Variants in SLC2A13 observed in about 807,000 individuals in gnomAD.
SLC2A13 encodes the protein solute carrier family 2 member 13.
Under a neutral mutation model 64.4 loss-of-function variants are expected in SLC2A13, and 32 were observed. The observed-to-expected ratio is 0.50, with a 90% CI of 0.37 to 0.67. SLC2A13 has a LOEUF of 0.67. SLC2A13 is among the 30% of genes least tolerant of loss of function. SLC2A13 has a pLI of 0.00. For synonymous variants in SLC2A13, 338 were observed against 327.1 expected (o/e 1.03, Z -0.36); for missense variants, 743 against 829.2 (o/e 0.90, Z 1.28).
chr12:40,072,423 A>G (rs1171003398), intron 1 of SLC2A13, among the ~76,000 whole-genome samples: 1 of 152,106 alleles, frequency 6.6e-6, no homozygotes, highest in Admixed American at 6.6e-5. Context: ...GGTGTTGTTG[A>G]GTTCAACAAT....
At chr12:39,922,823 G>A (rs976106149) in intron 4 of SLC2A13, among the ~76,000 whole-genome samples, 2 of 144,028 alleles carry the variant, frequency 1.4e-5, no homozygotes, top group African/African-American at 2.6e-5. Flanking sequence ...TGCAAAACTT[G>A]CAAAAGCTTG....
intron 4 of SLC2A13, among the ~76,000 whole-genome samples, chr12:39,918,799 CAGG>C (rs1945562697): frequency 6.7e-6 from 1 of 149,146 alleles, no homozygotes; most frequent in Non-Finnish European, 1.5e-5. Context: ...GAGGCTGAGG[CAGG>C]AGATCATGCC....
intron 7 of SLC2A13, among the ~76,000 whole-genome samples, chr12:39,777,882 C>T (rs1940832512): frequency 6.6e-6 from 1 of 152,226 alleles, no homozygotes; most frequent in Admixed American, 6.5e-5. Flanking sequence ...TTCTGGTACA[C>T]AGAGGCAAGA....
chr12:40,063,097 G>A lies in SLC2A13; in HGVS notation c.557-14887C>T, dbSNP rs939276586. 5.3e-5 allele frequency among the ~76,000 whole-genome samples: 8 copies of A among 151,186 alleles called. No homozygotes were observed. In the South Asian group the frequency reaches 6.3e-4, roughly 12 times the overall value. On this transcript the variant is annotated intron_variant, in intron 1 of 9. Coordinates refer to ENST00000280871, the MANE Select transcript of SLC2A13 (RefSeq NM_052885.4). ...AATGATTCTATTAATACCATTTTCC[G>A]GTATCTATTTTACAACTTATTTTAT...
rs1264535479 is a variant in SLC2A13 at position 39,764,510 on chromosome 12, A to G, written c.1670T>C (p.Val557Ala). Residue 557 changes from valine (V) to alanine (A), a missense_variant, in exon 9 of 10, where the codon GTC becomes GCC. Physicochemically the swap from Val to Ala is moderately conservative, Grantham distance 64. This residue lies in a region of SLC2A13 where 295 missense variants were observed against 381.7 expected (regional missense o/e 0.77). Coordinates refer to ENST00000280871, the MANE Select transcript of SLC2A13 (RefSeq NM_052885.4). ...GTGTAAAAATGTTAGTGAAACCAGG[A>G]CATTGAAAATCCAGTTTATTCCAGA... Reference protein sequence around the residue: ...CSSGINWIFNVLVSLTFLHTA... With the variant: ...CSSGINWIFNALVSLTFLHTA... 6.2e-7 allele frequency: 1 copy of G among 1,610,982 alleles called. No homozygotes were observed. The highest frequency in any genetic ancestry group is 8.5e-7 in the Non-Finnish European group (1 of 1,178,986).
intron 3 of SLC2A13, among the ~76,000 whole-genome samples, chr12:39,978,497 A>G (rs1020669789): frequency 1.1e-4 from 16 of 152,228 alleles, no homozygotes; most frequent in Middle Eastern, 3.2e-3. Context: ...AGGGCGAGGC[A>G]TTGCCTCACC....
At chr12:40,025,148 A>G (rs1189684860) in intron 3 of SLC2A13, among the ~76,000 whole-genome samples, 2 of 152,258 alleles carry the variant, frequency 1.3e-5, no homozygotes, top group African/African-American at 4.8e-5. Context: ...CATGCAAATG[A>G]GTCTGACCTC....
chr12:39,797,146 A>G (rs1941603982), intron 7 of SLC2A13, among the ~76,000 whole-genome samples: 1 of 152,216 alleles, frequency 6.6e-6, no homozygotes, highest in African/African-American at 2.4e-5. Flanking sequence ...TATTTGTAAA[A>G]ATTCTGATGT....
intron 1 of SLC2A13, among the ~76,000 whole-genome samples, chr12:40,048,849 A>T (rs1948208256): frequency 6.6e-6 from 1 of 152,158 alleles, no homozygotes; most frequent in African/African-American, 2.4e-5. Context: ...CTTCACTGAT[A>T]ACCAGAATTA....
intron 7 of SLC2A13, among the ~76,000 whole-genome samples, chr12:39,801,247 TAAA>T (rs71075084): frequency 2.3e-5 from 3 of 131,340 alleles, no homozygotes; most frequent in South Asian, 2.6e-4. Flanking sequence ...AGAGTATAAT[TAAA>T]AAAAAAATCA....
chr12:40,088,283 A>G (rs958712153), intron 1 of SLC2A13, among the ~76,000 whole-genome samples: 9 of 152,212 alleles, frequency 5.9e-5, no homozygotes, highest in Admixed American at 5.9e-4. Context: ...TAAACTGAAA[A>G]AGATGATGCA....
Position 40,105,741 on chromosome 12 carries a change from C to G in SLC2A13, c.68G>C (p.Arg23Pro). Reference sequence around the variant, plus strand: ...GTCCGGCTCCGGCTGCTTCCTGCGCCGCTCGCCCATCAGGCTGCTCAGGCT... The same window carrying G: ...GTCCGGCTCCGGCTGCTTCCTGCGCGGCTCGCCCATCAGGCTGCTCAGGCT... ...LRSLSSLMGE[R>P]RRKQPEPDAA... The change falls in exon 1 of 10, where the codon CGG (arginine) becomes CCG (proline). Residue 23 changes from arginine to proline, a missense_variant. This residue lies in a region of SLC2A13 where 448 missense variants were observed against 447.4 expected (regional missense o/e 1.00). Transcript: ENST00000280871. This position sits in a 1 kb window ranked among gnomAD's most constrained non-coding sequence, Gnocchi z 4.2. 6.7e-7 allele frequency: 1 copy of G among 1,488,070 alleles called. No homozygotes were observed. The highest frequency in any genetic ancestry group is 8.9e-7 in the Non-Finnish European group (1 of 1,119,796). 92.2% of individuals were successfully genotyped at this position (1,488,070 alleles called of 1,614,324 possible).
chr12:39,868,502 C>T (rs1292161681), intron 5 of SLC2A13, among the ~76,000 whole-genome samples: 1 of 152,176 alleles, frequency 6.6e-6, no homozygotes, highest in Non-Finnish European at 1.5e-5. Flanking sequence ...GCACATATTT[C>T]AAGTCTCATT....
In SLC2A13 at chr12:39,962,030, C is replaced by A. The variant is rs181953462; in HGVS notation, c.926-10665G>T. Among the ~76,000 whole-genome samples, 450 of 152,306 alleles carry A rather than the reference C, an allele frequency of 3.0e-3. 4 individuals are homozygous for A. The highest frequency in any genetic ancestry group is 0.01 in the African/African-American group (419 of 41,554). On this transcript the variant is annotated intron_variant, in intron 3 of 9. Coordinates refer to ENST00000280871, the MANE Select transcript of SLC2A13 (RefSeq NM_052885.4). ...AAAAAGCAATGAATTTTATCAAATG[C>A]CTTTTCTCCCTCTATGGAGATGAGC... is the stretch of plus-strand genomic sequence containing the variant.
At chr12:39,777,625 G>A (rs1431489143) in intron 7 of SLC2A13, among the ~76,000 whole-genome samples, 3 of 152,074 alleles carry the variant, frequency 2.0e-5, no homozygotes, top group Non-Finnish European at 4.4e-5. Flanking sequence ...TAAAAACCCC[G>A]AGACCCTAGC....
intron 3 of SLC2A13, among the ~76,000 whole-genome samples, chr12:39,964,210 C>T (rs1946465744): frequency 1.3e-5 from 2 of 152,118 alleles, no homozygotes; most frequent in African/African-American, 4.8e-5. Flanking sequence ...TTGTCCCTCC[C>T]TCAACTCTCT....
At chr12:40,090,024 G>C (rs1246591014) in intron 1 of SLC2A13, among the ~76,000 whole-genome samples, 1 of 151,958 alleles carries the variant, frequency 6.6e-6, no homozygotes, top group Non-Finnish European at 1.5e-5. Flanking sequence ...AAATTTCAGA[G>C]ATTAAAGTTT....
At chr12:39,914,989 T>C (rs1226639237) in intron 4 of SLC2A13, among the ~76,000 whole-genome samples, 2 of 151,860 alleles carry the variant, frequency 1.3e-5, no homozygotes, top group African/African-American at 2.4e-5. Context: ...ATAGACTTAG[T>C]TTCAGGAACA....
intron 1 of SLC2A13, among the ~76,000 whole-genome samples, chr12:40,058,801 C>A (rs1038487091): frequency 6.6e-6 from 1 of 152,180 alleles, no homozygotes; most frequent in Non-Finnish European, 1.5e-5. Flanking sequence ...GATGCCGTAA[C>A]TATGGCTCAT....
Sources: gnomAD v4.1 joint callset for allele counts (sites outside exome capture counted in the v4.1 genomes callset) on GRCh38, gnomAD v4.1.1 for gene constraint, gnomAD v4.1.1 regional missense constraint, Gnocchi (gnomAD v3.1) non-coding constraint, MANE v1.5 for transcripts, NCBI Gene and HGNC (gene_info 2026-07-23, HGNC 2026-07-21) for gene names.